PDCL: variants seen among roughly 807,000 people sequenced by gnomAD.
PDCL encodes the protein phosducin-like protein.
A neutral mutation model predicts 26.7 loss-of-function variants in PDCL; 11 were observed. The ratio of observed to expected loss-of-function variants is 0.41; its 90% confidence interval spans 0.26 to 0.68. PDCL has a LOEUF of 0.68. Among genes scored for constraint, PDCL ranks in the 30% least tolerant of loss-of-function variants. PDCL has a pLI of 0.30. For missense variants in PDCL, 330 were observed against 371.6 expected (o/e 0.89, Z 0.92); for synonymous variants, 118 against 134.9 (o/e 0.87, Z 0.87).
Position 122,823,158 on chromosome 9 carries a change from T to C in PDCL, c.212A>G (p.Gln71Arg). Residue 71 changes from glutamine to arginine, a missense_variant, in exon 3 of 4, where the codon CAG becomes CGG. By Grantham distance (43) the Gln-to-Arg change is conservative. Coordinates refer to ENST00000259467, the MANE Select transcript of PDCL (RefSeq NM_005388.5). ...CTCCTCCCTCTGCTCTGTCTCCAAC[T>C]GCTTGAAGCGGCGCCAGTCATTGAT... ...GVINDWRRFK[Q>R]LETEQREEQC... 6 of 1,614,128 alleles carry C rather than the reference T, an allele frequency of 3.7e-6. No homozygotes were observed. Among genetic ancestry groups the C allele is most frequent in the Non-Finnish European group, 4.2e-6 (5 of 1,180,024 alleles).
intron 1 of PDCL, among the ~76,000 whole-genome samples, 152 bp downstream of exon 1, chr9:122,828,319 G>C (rs192487046): frequency 1.3e-5 from 2 of 152,262 alleles, no homozygotes; most frequent in Admixed American, 1.3e-4. Context: ...GGGGGAGGTG[G>C]GGCCAGAGGA....
intron 2 of PDCL, among the ~76,000 whole-genome samples, chr9:122,824,682 C>T (rs955604742): frequency 6.6e-6 from 1 of 152,162 alleles, no homozygotes; most frequent in Non-Finnish European, 1.5e-5. Flanking sequence ...ATACCATGTT[C>T]CTGAACAGAC....
At position 122,823,106 on chromosome 9, in the gene PDCL, G is replaced by A. The variant is rs145198018; in HGVS notation, c.264C>T (p.Ile88=). The change falls in exon 3 of 4, where the codon ATC becomes ATT. Residue 88 remains isoleucine (I), a synonymous_variant. Transcript: ENST00000259467. The stretch of plus-strand genomic sequence containing the variant: ...ACCTGCAAGTCATTGACAGCTTCTT[G>A]ATCAGCCTTTCCATCTCCCGGCACT... The part of the protein sequence containing the change: ...EEQCREMERL[I]KKLSMTCRSH... 53 of 1,613,994 alleles carry A rather than the reference G, an allele frequency of 3.3e-5. No homozygotes were observed. Among genetic ancestry groups the A allele is most frequent in the Non-Finnish European group, 4.2e-5 (50 of 1,180,016 alleles).
Position 122,826,652 on chromosome 9 carries a change from C to A in PDCL, c.136G>T (p.Ala46Ser). Residue 46 changes from alanine (A) to serine (S), a missense_variant, in exon 2 of 4, where the codon GCT (alanine) becomes TCT (serine). Ala to Ser is a moderately conservative substitution (Grantham distance 99). Coordinates refer to ENST00000259467, the MANE Select transcript of PDCL (RefSeq NM_005388.5). ...GAGATGCCTTCGCCTGCCAGCTCAG[C>A]CTCTGCAGGCACAGAACTGCTGGCT... ...APASSSVPAE[A>S]ELAGEGISVN... 6.2e-7 allele frequency: 1 copy of A among 1,614,200 alleles called. No homozygotes were observed. The highest frequency in any genetic ancestry group is 8.5e-7 in the Non-Finnish European group (1 of 1,180,030).
chr9:122,821,312 TC>T (rs1348185074), intron 3 of PDCL, among the ~76,000 whole-genome samples: 1 of 152,116 alleles, frequency 6.6e-6, no homozygotes, highest in Non-Finnish European at 1.5e-5. Context: ...TTTCTTTTTG[TC>T]AGTCTTGACA....
At chr9:122,821,116 AG>A (rs1368318035) in intron 3 of PDCL, among the ~76,000 whole-genome samples, 1 of 152,206 alleles carries the variant, frequency 6.6e-6, no homozygotes, top group African/African-American at 2.4e-5. Flanking sequence ...TCCATCGGGA[AG>A]GGACTTTTAA....
chr9:122,824,588 G>GA (rs1185516068), intron 2 of PDCL, among the ~76,000 whole-genome samples: 1 of 151,890 alleles, frequency 6.6e-6, no homozygotes, highest in South Asian at 2.1e-4. Context: ...TGGTTTCACA[G>GA]AAAAAAAATA....
intron 3 of PDCL, among the ~76,000 whole-genome samples, chr9:122,822,389 T>TA (rs754227915): frequency 0.033 from 4,355 of 133,482 alleles, 177 homozygotes; most frequent in African/African-American, 0.095. Context: ...CTGTCTCTAT[T>TA]AAAAAAAAAA....
rs1829538670 is a variant in PDCL, at chr9:122,820,415, A to C, written c.576T>G (p.Ile192Met). 1 of 1,614,158 alleles carries C rather than the reference A, an allele frequency of 6.2e-7. No homozygotes were observed. Residue 192 changes from isoleucine to methionine, a missense_variant, in exon 4 of 4, where the codon ATT becomes ATG. Physicochemically the swap from Ile to Met is conservative, Grantham distance 10. Coordinates refer to ENST00000259467, the MANE Select transcript of PDCL (RefSeq NM_005388.5). ...AACCATTCATGGCTTCGGTCCCTGG[A>C]ATGCCATCCTCATAAATATGAACCA... ...VIMVHIYEDG[I>M]PGTEAMNGCM...
chr9:122,820,789 G>A, intron 3 of PDCL, 153 bp from the exon 4 acceptor site: 1 of 568,892 alleles, frequency 1.8e-6, no homozygotes, highest in East Asian at 3.3e-5. Context: ...TTCAAGACCA[G>A]CCTGGCCAAC....
At position 122,819,437 on chromosome 9, in the gene PDCL, AATGTTTAAATCCATAAACTACTT is replaced by A; in HGVS notation, c.*625_*647del. The A allele has an allele frequency of 6.6e-6, 1 of 152,202 alleles. No individual in the cohort carries two copies. The highest frequency in any genetic ancestry group is 2.4e-5 in the African/African-American group (1 of 41,434). The allele number at this position is 152,202 out of a possible 1,614,324, so 9.4% of individuals were successfully genotyped here. On this transcript the variant is annotated 3_prime_UTR_variant, in exon 4 of 4. Coordinates refer to ENST00000259467, the MANE Select transcript of PDCL (RefSeq NM_005388.5). ...AGATTTCCAGCCCCACTCCAGCTCTAATGTTTAAATCCATAAACTACTTGTCTTCTAACATCACCAGGTCAGTA... is the reference window on the plus strand; with the variant it reads ...AGATTTCCAGCCCCACTCCAGCTCTAGTCTTCTAACATCACCAGGTCAGTA...
chr9:122,820,157 T>A lies in PDCL; in HGVS notation c.834A>T (p.Glu278Asp). Residue 278 changes from glutamate (E) to aspartate (D), a missense_variant, in exon 4 of 4, where the codon GAA becomes GAT. By Grantham distance (45) the Glu-to-Asp change is conservative. Transcript: ENST00000259467. ...TACGCACAGATGTCAGCACCAAGAC[T>A]TCCTTTTCTGGGAGTAATCCAAATT... ...LQEFGLLPEKEVLVLTSVRNS... is the reference protein window; with the variant it reads ...LQEFGLLPEKDVLVLTSVRNS... 6.2e-7 allele frequency: 1 copy of A among 1,614,202 alleles called. No homozygotes were observed. The highest frequency in any genetic ancestry group is 8.5e-7 in the Non-Finnish European group (1 of 1,180,022).
Position 122,820,144 on chromosome 9 carries a change from T to A in PDCL, c.847A>T (p.Thr283Ser). ...CACGTGGCAGAGTTACGCACAGATGTCAGCACCAAGACTTCCTTTTCTGGG... is the reference window on the plus strand; with the variant it reads ...CACGTGGCAGAGTTACGCACAGATGACAGCACCAAGACTTCCTTTTCTGGG... ...LLPEKEVLVLTSVRNSATCHS... is the reference protein window; with the variant it reads ...LLPEKEVLVLSSVRNSATCHS... Residue 283 changes from threonine to serine, a missense_variant, in exon 4 of 4, where the codon ACA (threonine) becomes TCA (serine). Coordinates refer to ENST00000259467, the MANE Select transcript of PDCL (RefSeq NM_005388.5). 6.2e-7 allele frequency: 1 copy of A among 1,614,152 alleles called. No individual in the cohort carries two copies. The highest frequency in any genetic ancestry group is 8.5e-7 in the Non-Finnish European group (1 of 1,179,998).
chr9:122,820,910 A>C, intron 3 of PDCL: 1 of 354,440 alleles, frequency 2.8e-6, no homozygotes, highest in African/African-American at 2.2e-5. Flanking sequence ...CACAACAAGA[A>C]TCACTTGAAC....
At position 122,818,340 on chromosome 9, in the gene PDCL, G is replaced by GA. The variant is rs1395130842; in HGVS notation, c.*1744dup. ...ATAAATTATTATATATCCAAATGAT[G>GA]AAATATTATGAAGCCACTGAAAATT... is the stretch of plus-strand genomic sequence containing the variant. On this transcript the variant is annotated 3_prime_UTR_variant, in exon 4 of 4. Coordinates refer to ENST00000259467, the MANE Select transcript of PDCL (RefSeq NM_005388.5). The GA allele has an allele frequency of 1.3e-5, 2 of 152,064 alleles. No homozygotes were observed. The highest frequency in any genetic ancestry group is 4.8e-5 in the African/African-American group (2 of 41,406). The allele number at this position is 152,064 out of a possible 1,614,324, so 9.4% of individuals were successfully genotyped here. A position where few individuals can be genotyped will look rare whatever the true frequency, so the allele number is the denominator to read the frequency against.
chr9:122,823,876 C>G (rs1351928243), intron 2 of PDCL, among the ~76,000 whole-genome samples: 1 of 151,086 alleles, frequency 6.6e-6, no homozygotes, highest in African/African-American at 2.4e-5. Flanking sequence ...TTCAAGCAAT[C>G]CCCCTGCCTC....
intron 1 of PDCL, among the ~76,000 whole-genome samples, chr9:122,827,009 G>A (rs1043426899): frequency 7.2e-5 from 11 of 152,074 alleles, no homozygotes; most frequent in Admixed American, 6.6e-5. Flanking sequence ...TCAGATAAAG[G>A]AAGAGTCTTC....
At chr9:122,825,178 T>C (rs77466026) in intron 2 of PDCL, among the ~76,000 whole-genome samples, 1 of 152,074 alleles carries the variant, frequency 6.6e-6, no homozygotes, top group African/African-American at 2.4e-5. Flanking sequence ...TTTTTTTTTT[T>C]GGAGACAGAG....
chr9:122,826,531 A>G (rs1215814539), intron 2 of PDCL, 85 bp downstream of exon 2: 7 of 1,161,876 alleles, frequency 6.0e-6, no homozygotes, highest in Non-Finnish European at 8.2e-6. Flanking sequence ...GATCAGGAGA[A>G]TTAATTTATT....
Sources: allele counts gnomAD v4.1 joint callset (sites outside exome capture counted in the v4.1 genomes callset), GRCh38; gene constraint gnomAD v4.1.1; transcripts MANE v1.5; gene names NCBI Gene and HGNC (gene_info 2026-07-23, HGNC 2026-07-21).